DLGAP2: variants seen among roughly 807,000 people sequenced by gnomAD.
The protein encoded by DLGAP2 is disks large-associated protein 2.
A neutral mutation model predicts 100.3 loss-of-function variants in DLGAP2; 26 were observed. The ratio of observed to expected loss-of-function variants is 0.26; its 90% CI spans 0.19 to 0.36. The LOEUF is 0.36. Ranked by LOEUF, DLGAP2 falls within the 10% of genes least tolerant of loss-of-function variation. DLGAP2 has a pLI of 1.00. For synonymous variants in DLGAP2, 886 were observed against 630.1 expected, an observed-to-expected ratio of 1.41 and a Z score of -6.08; for missense variants, 1,858 against 1,453.2, an observed-to-expected ratio of 1.28 and a Z score of -4.53.
At chr8:1,615,048 C>G (rs1376899380) in intron 6 of DLGAP2, among the ~76,000 whole-genome samples, 2 of 152,234 alleles carry the variant, frequency 1.3e-5, no homozygotes, top group Non-Finnish European at 2.9e-5. Context: ...CTGCAGTCTC[C>G]TTGGATGTGT....
At chr8:1,640,059 T>C (rs4875884) in intron 8 of DLGAP2, among the ~76,000 whole-genome samples, 89,519 of 152,126 alleles carry the variant, frequency 0.59, 27,361 homozygotes, top group African/African-American at 0.76. Context: ...TAGTAGGTTT[T>C]GGTAAATACT....
rs1799622056 is a variant in DLGAP2, at chr8:1,703,220, T to A, written c.*1814T>A. 6.6e-6 allele frequency: 1 copy of A among 152,566 alleles called. No individual in the cohort carries two copies. Among genetic ancestry groups the A allele is most frequent in the African/African-American group, 2.4e-5 (1 of 41,410 alleles). 9.5% of individuals were successfully genotyped at this position (152,566 alleles called of 1,614,324 possible). A position where few individuals can be genotyped will look rare whatever the true frequency, so the allele number is the denominator to read the frequency against. On this transcript the variant is annotated 3_prime_UTR_variant, in exon 15 of 15. Transcript: ENST00000637795. ...AAAACCCTGTAAATTGAGCCTCATG[T>A]CTGGTATATATTTTACCAAACAGCC...
At chr8:923,445 A>G (rs914422415) in intron 2 of DLGAP2, among the ~76,000 whole-genome samples, 1 of 152,206 alleles carries the variant, frequency 6.6e-6, no homozygotes, top group Non-Finnish European at 1.5e-5. Flanking sequence ...CTGACCCTCC[A>G]TTTTAATTAC....
At chr8:1,671,731 G>A (rs185030495) in intron 10 of DLGAP2, among the ~76,000 whole-genome samples, 1 of 152,216 alleles carries the variant, frequency 6.6e-6, no homozygotes, top group Non-Finnish European at 1.5e-5. Flanking sequence ...GCAGAAGCCA[G>A]CGGCAAGTCC....
chr8:1,460,246 A>G (rs1433219623), intron 3 of DLGAP2, among the ~76,000 whole-genome samples: 3 of 152,232 alleles, frequency 2.0e-5, no homozygotes, highest in Non-Finnish European at 4.4e-5. Context: ...CCAATACAAC[A>G]GAGCCATGTT....
At chr8:1,321,441 G>C (rs1262229812) in intron 3 of DLGAP2, among the ~76,000 whole-genome samples, 1 of 152,096 alleles carries the variant, frequency 6.6e-6, no homozygotes, top group African/African-American at 2.4e-5. Flanking sequence ...GCATCCATGC[G>C]TCTCTGCATG....
chr8:1,491,383 T>TCCCCCTGACCCCGGAGGCTTTGGGCC (rs1563180305), intron 3 of DLGAP2, among the ~76,000 whole-genome samples: 1 of 149,114 alleles, frequency 6.7e-6, no homozygotes, highest in African/African-American at 2.5e-5. Flanking sequence ...GGCTTCGGGC[T>TCCCCCTGACCCCGGAGGCTTTGGGCC]GCTCCCCCTG....
chr8:1,517,147 G>C (rs1363757852), intron 4 of DLGAP2, among the ~76,000 whole-genome samples: 1 of 152,150 alleles, frequency 6.6e-6, no homozygotes, highest in South Asian at 2.1e-4. Context: ...GACCCCCATG[G>C]CTGTGGGTGG....
intron 8 of DLGAP2, among the ~76,000 whole-genome samples, chr8:1,638,205 C>A (rs773023629): frequency 6.6e-6 from 1 of 152,098 alleles, no homozygotes; most frequent in Non-Finnish European, 1.5e-5. Context: ...GGTGCTGAAC[C>A]CTAATCCCAG....
At chr8:1,175,827 C>T (rs759629499) in intron 2 of DLGAP2, among the ~76,000 whole-genome samples, 1 of 152,178 alleles carries the variant, frequency 6.6e-6, no homozygotes, top group Non-Finnish European at 1.5e-5. Flanking sequence ...TAGAGGAAGG[C>T]ACTCGGCATT....
At chr8:1,193,609 T>A (rs1376787) in intron 2 of DLGAP2, among the ~76,000 whole-genome samples, 42,465 of 151,872 alleles carry the variant, frequency 0.28, 6,660 homozygotes, top group African/African-American at 0.43. Flanking sequence ...CCCCATTATC[T>A]GTGTGTCCGC....
chr8:1,141,145 C>T (rs1796515488), intron 2 of DLGAP2, among the ~76,000 whole-genome samples: 1 of 152,086 alleles, frequency 6.6e-6, no homozygotes, highest in African/African-American at 2.4e-5. Context: ...GCAGCTTTCT[C>T]CTGGGGAGGG....
At chr8:750,251 G>A (rs1820756526) in intron 1 of DLGAP2, among the ~76,000 whole-genome samples, 1 of 152,238 alleles carries the variant, frequency 6.6e-6, no homozygotes, top group South Asian at 2.1e-4. Flanking sequence ...CGTGGGCACT[G>A]GCCGTGCCGC....
At chr8:777,021 A>G (rs1163109707) in intron 1 of DLGAP2, among the ~76,000 whole-genome samples, 2 of 151,998 alleles carry the variant, frequency 1.3e-5, no homozygotes, top group Non-Finnish European at 2.9e-5. Context: ...TTGCTTTATG[A>G]ATCTTGGTGC....
intron 3 of DLGAP2, among the ~76,000 whole-genome samples, chr8:1,494,406 G>A (rs1258071721): frequency 6.6e-6 from 1 of 152,214 alleles, no homozygotes; most frequent in African/African-American, 2.4e-5. Context: ...AAACCTTGCA[G>A]TTGGCATTCA....
intron 4 of DLGAP2, among the ~76,000 whole-genome samples, chr8:1,520,998 C>A (rs377061421): frequency 2.0e-5 from 3 of 152,172 alleles, no homozygotes; most frequent in Non-Finnish European, 4.4e-5. Context: ...TGAGGCTCCG[C>A]GTCCTGGCCG....
intron 2 of DLGAP2, among the ~76,000 whole-genome samples, chr8:1,095,118 A>C (rs895692301): frequency 2.8e-5 from 4 of 144,714 alleles, no homozygotes; most frequent in Non-Finnish European, 6.0e-5. Flanking sequence ...GCTGGCATGG[A>C]CCACCTTCCC....
intron 3 of DLGAP2, among the ~76,000 whole-genome samples, chr8:1,313,313 G>C (rs1179751745): frequency 6.6e-6 from 1 of 152,162 alleles, no homozygotes; most frequent in East Asian, 1.9e-4. Flanking sequence ...TTAACAGTTA[G>C]AATGTAAAAC....
intron 2 of DLGAP2, among the ~76,000 whole-genome samples, chr8:1,190,980 C>G (rs1275725227): frequency 6.6e-6 from 1 of 152,156 alleles, no homozygotes; most frequent in Non-Finnish European, 1.5e-5. Flanking sequence ...GTGGGTGAGG[C>G]TTGGACCAAT....
Sources: allele counts gnomAD v4.1 joint callset (sites outside exome capture counted in the v4.1 genomes callset), GRCh38; gene constraint gnomAD v4.1.1; transcripts MANE v1.5; gene names NCBI Gene and HGNC (gene_info 2026-07-23, HGNC 2026-07-21).